RBFOX1: variants seen among roughly 807,000 people sequenced by gnomAD.
The protein encoded by RBFOX1 is RNA binding fox-1 homolog 1.
In RBFOX1, 8 loss-of-function variants were observed where a neutral mutation model predicts 57.7. The ratio of observed to expected loss-of-function variants is 0.14; its 90% CI spans 0.08 to 0.25. The LOEUF (loss-of-function observed/expected upper bound fraction) is 0.25. RBFOX1 is among the 10% of genes least tolerant of loss of function. The pLI is 1.00. For missense variants in RBFOX1, 611 were observed against 548.5 expected, an observed-to-expected ratio of 1.11 and a Z score of -1.14; for synonymous variants, 326 against 222.4, an observed-to-expected ratio of 1.47 and a Z score of -4.15.
At chr16:5,738,149 C>T (rs1476306267) in intron 3 of RBFOX1, among the ~76,000 whole-genome samples, 1 of 151,866 alleles carries the variant, frequency 6.6e-6, no homozygotes, top group Admixed American at 6.6e-5. Context: ...GAATGATCTT[C>T]TGGTCTTTAA....
At chr16:7,481,158 G>A (rs13337038) in intron 4 of RBFOX1, among the ~76,000 whole-genome samples, 1,554 of 152,122 alleles carry the variant, frequency 0.01, 26 homozygotes, top group African/African-American at 0.036. Context: ...TACATACTCC[G>A]CAAGGCTGTC....
intron 4 of RBFOX1, among the ~76,000 whole-genome samples, chr16:7,061,657 C>T (rs144868506): frequency 1.3e-5 from 2 of 152,280 alleles, no homozygotes; most frequent in East Asian, 3.9e-4. Flanking sequence ...ATCCCCAGTC[C>T]TCATGCCCCT....
At chr16:6,251,541 G>C (rs1598823767) in intron 1 of RBFOX1, among the ~76,000 whole-genome samples, 2 of 152,132 alleles carry the variant, frequency 1.3e-5, no homozygotes, top group South Asian at 4.2e-4. Context: ...CAGTATGATA[G>C]AAAAATATAC....
rs1271931644 is a variant in RBFOX1 at position 6,485,354 on chromosome 16, C to A, written c.-64+168297C>A. 2.0e-5 allele frequency among the ~76,000 whole-genome samples: 3 copies of A among 152,060 alleles called. 1 individual carries two copies. The highest frequency in any genetic ancestry group is 1.9e-4 in the East Asian group (1 of 5,180). On this transcript the variant is annotated intron_variant, in intron 2 of 15. Coordinates refer to ENST00000550418, the MANE Select transcript of RBFOX1 (RefSeq NM_018723.4). ...GCTCCTCCCTCCCTCTCTTACCCCT[C>A]TTCTCTTCTCTCTCTTGGTCTCCCT...
intron 6 of RBFOX1, among the ~76,000 whole-genome samples, chr16:7,584,623 C>T (rs1167086458): frequency 6.6e-6 from 1 of 152,154 alleles, no homozygotes; most frequent in South Asian, 2.1e-4. Flanking sequence ...TATTGAGAAA[C>T]TTTGTGTGGA....
chr16:7,081,934 C>G (rs1293691317), intron 4 of RBFOX1, among the ~76,000 whole-genome samples: 4 of 152,246 alleles, frequency 2.6e-5, no homozygotes, highest in African/African-American at 9.6e-5. Flanking sequence ...GCTGGAGTTT[C>G]TCCTAAAGGA....
intron 2 of RBFOX1, among the ~76,000 whole-genome samples, chr16:6,434,451 C>G (rs568111519): frequency 3.0e-4 from 46 of 152,276 alleles, no homozygotes; most frequent in Middle Eastern, 3.4e-3. Context: ...TCCCCCGTGC[C>G]TGACTCTCCC....
intron 3 of RBFOX1, among the ~76,000 whole-genome samples, chr16:5,735,925 A>C (rs72765188): frequency 6.6e-6 from 1 of 152,268 alleles, no homozygotes; most frequent in Non-Finnish European, 1.5e-5. Flanking sequence ...AAATATGTTC[A>C]TTTGACACAT....
intron 1 of RBFOX1, among the ~76,000 whole-genome samples, chr16:6,199,313 G>C (rs1567663836): frequency 6.6e-6 from 1 of 152,150 alleles, no homozygotes; most frequent in South Asian, 2.1e-4. Context: ...ATGGTTAAAT[G>C]CATGATTTCC....
chr16:7,709,163 C>A (rs1042767062), intron 15 of RBFOX1, 32 bp downstream of exon 15: 3 of 1,561,374 alleles, frequency 1.9e-6, no homozygotes, highest in Non-Finnish European at 2.6e-6. Flanking sequence ...TCCTCACTTC[C>A]TCCTGCCTCC....
chr16:7,252,021 G>C (rs970112603), intron 4 of RBFOX1, among the ~76,000 whole-genome samples: 1 of 152,160 alleles, frequency 6.6e-6, no homozygotes, highest in African/African-American at 2.4e-5. Context: ...ACAGTATTTG[G>C]GTGGTGAGAC....
Position 6,995,834 on chromosome 16 carries a change from T to A in RBFOX1, c.-15-56223T>A, listed in dbSNP as rs8064074. Among the ~76,000 whole-genome samples the A allele has an allele frequency of 5.0e-3, 766 of 152,274 alleles. 14 individuals carry two copies. The highest frequency in any genetic ancestry group is 0.018 in the African/African-American group (731 of 41,554). On this transcript the variant is annotated intron_variant, in intron 3 of 15. Transcript: ENST00000550418. ...AGCTAGAGGTACTTACACTTGAGAT[T>A]GGTTCAGATTTTATAACTCAACAGA...
chr16:6,054,544 A>C (rs551807322), intron 1 of RBFOX1, among the ~76,000 whole-genome samples: 4 of 152,186 alleles, frequency 2.6e-5, no homozygotes, highest in Non-Finnish European at 5.9e-5. Context: ...TGTCTCCTGA[A>C]AGATAAACAC....
intron 4 of RBFOX1, among the ~76,000 whole-genome samples, chr16:5,920,242 A>T (rs752284574): frequency 4.6e-5 from 7 of 152,112 alleles, no homozygotes; most frequent in Admixed American, 1.3e-4. Context: ...CCATATTAGT[A>T]CTTCCTTTCT....
At chr16:6,166,535 A>G (rs768204538) in intron 1 of RBFOX1, among the ~76,000 whole-genome samples, 1 of 152,006 alleles carries the variant, frequency 6.6e-6, no homozygotes, top group Non-Finnish European at 1.5e-5. Flanking sequence ...TTTCATTCTC[A>G]GGTAGACAGT....
rs553388632 is a variant in RBFOX1, at chr16:6,213,765, G to A, written c.-126-103230G>A. Among the ~76,000 whole-genome samples the A allele has an allele frequency of 5.9e-5, 9 of 152,286 alleles. 1 individual carries two copies. Among genetic ancestry groups the A allele is most frequent in the Middle Eastern group, 3.4e-3 (1 of 294 alleles). ...CTCTCCATCCCTTTGTCTACTGAGC[G>A]AAAGCGCATTCACCATGCTCAGTCT... is the stretch of plus-strand genomic sequence containing the variant. On this transcript the variant is annotated intron_variant, in intron 1 of 15. Coordinates refer to ENST00000550418, the MANE Select transcript of RBFOX1 (RefSeq NM_018723.4).
intron 4 of RBFOX1, among the ~76,000 whole-genome samples, chr16:7,268,824 G>A (rs553473644): frequency 2.4e-4 from 36 of 152,002 alleles, no homozygotes; most frequent in Admixed American, 1.0e-3. Context: ...GGATCACGAG[G>A]TCAGGAGTTC....
intron 4 of RBFOX1, among the ~76,000 whole-genome samples, chr16:7,454,774 G>C (rs1462483117): frequency 6.6e-6 from 1 of 152,196 alleles, no homozygotes; most frequent in Non-Finnish European, 1.5e-5. Flanking sequence ...TTGCCCATCT[G>C]TGTTTTCTTT....
intron 1 of RBFOX1, among the ~76,000 whole-genome samples, chr16:5,290,391 G>T (rs1279288723): frequency 6.6e-6 from 1 of 152,090 alleles, no homozygotes; most frequent in Non-Finnish European, 1.5e-5. Flanking sequence ...GTGGGAGGAG[G>T]AAATGGGAGG....
Sources: allele counts gnomAD v4.1 joint callset (sites outside exome capture counted in the v4.1 genomes callset), GRCh38; gene constraint gnomAD v4.1.1; transcripts MANE v1.5; gene names NCBI Gene and HGNC (gene_info 2026-07-23, HGNC 2026-07-21).